Variants in IL31RA observed in about 807,000 individuals in gnomAD.
IL31RA encodes interleukin 31 receptor A, also known as interleukin-31 receptor subunit alpha.
In IL31RA, 66 loss-of-function variants were observed where a neutral mutation model predicts 83.7. The ratio of observed to expected loss-of-function variants is 0.79; its 90% confidence interval spans 0.65 to 0.97. The LOEUF is 0.97. IL31RA is among the 50% of genes least tolerant of loss of function. The pLI is 0.00. For synonymous variants in IL31RA, 325 were observed against 329.0 expected (o/e 0.99, Z 0.13); for missense variants, 798 against 919.4 (o/e 0.87, Z 1.71).
rs772231065 is a variant in IL31RA at position 55,906,261 on chromosome 5, C to A, written c.1225C>A (p.Gln409Lys). ...CACCCTTTCCTGGGAATCTGTGTCT[C>A]AGGCCACGAACTGGACGATCCAGCA... The part of the protein sequence containing the change: ...PTTLSWESVS[Q>K]ATNWTIQQDK... The change falls in exon 9 of 15, where the codon CAG (glutamine) becomes AAG (lysine). Residue 409 changes from glutamine (Q) to lysine (K), a missense_variant. Physicochemically the swap from Gln to Lys is moderately conservative, Grantham distance 53. Coordinates refer to ENST00000652347, the MANE Select transcript of IL31RA (RefSeq NM_139017.7). 9 of 1,614,146 alleles carry A rather than the reference C, an allele frequency of 5.6e-6. No individual in the cohort carries two copies. In the Admixed American group the frequency reaches 1.5e-4, roughly 27 times the overall value.
chr5:55,913,026 G>C (rs1261641837), intron 12 of IL31RA, among the ~76,000 whole-genome samples: 2 of 152,172 alleles, frequency 1.3e-5, no homozygotes, highest in Non-Finnish European at 2.9e-5. Flanking sequence ...AATGAATGCT[G>C]TTGGAATGAA....
At chr5:55,863,540 C>T (rs981091929) in intron 2 of IL31RA, among the ~76,000 whole-genome samples, 3 of 152,240 alleles carry the variant, frequency 2.0e-5, no homozygotes, top group Admixed American at 6.5e-5. Context: ...CTTCCTCTCA[C>T]ATGGCAAAGG....
rs973107901 is a variant in IL31RA, at chr5:55,901,400, G to A, written c.1069+1268G>A. Among the ~76,000 whole-genome samples, 43 of 151,958 alleles carry A rather than the reference G, an allele frequency of 2.8e-4. 1 individual carries two copies. The highest frequency in any genetic ancestry group is 8.3e-4 in the South Asian group (4 of 4,814). On this transcript the variant is annotated intron_variant, in intron 8 of 14. Transcript: ENST00000652347. ...ATGGGCTTTGGAGTCCAGCAGCCCC[G>A]GGTTCAAATCTTTGCTCTTCCACAA...
Position 55,908,260 on chromosome 5 carries a change from T to A in IL31RA, c.1355-5T>A. ...GATTATCATTTATCCCTCTGTCCTTTCCAGTTCCATCAGAAGGTCCTGAGA... is the reference window on the plus strand; with the variant it reads ...GATTATCATTTATCCCTCTGTCCTTACCAGTTCCATCAGAAGGTCCTGAGA... On this transcript the variant is annotated splice_polypyrimidine_tract_variant and splice_region_variant and intron_variant, in intron 10 of 14. Coordinates refer to ENST00000652347, the MANE Select transcript of IL31RA (RefSeq NM_139017.7). The A allele has an allele frequency of 6.2e-7, 1 of 1,614,052 alleles. No individual in the cohort carries two copies. Among genetic ancestry groups the A allele is most frequent in the South Asian group, 1.1e-5 (1 of 91,080 alleles).
At chr5:55,910,006 C>A (rs555104947) in intron 11 of IL31RA, among the ~76,000 whole-genome samples, 1 of 152,206 alleles carries the variant, frequency 6.6e-6, no homozygotes, top group South Asian at 2.1e-4. Flanking sequence ...GCCCGGCCAG[C>A]CCGTTTGTAT....
At chr5:55,868,641 T>C in intron 2 of IL31RA, 150 bp from the exon 3 acceptor site, 1 of 724,688 alleles carries the variant, frequency 1.4e-6, no homozygotes, top group Non-Finnish European at 2.5e-6. Flanking sequence ...TTCTTTCCAT[T>C]GAACCTGATT....
chr5:55,906,379 G>A, intron 9 of IL31RA, 91 bp downstream of exon 9: 1 of 1,165,440 alleles, frequency 8.6e-7, no homozygotes, highest in Non-Finnish European at 1.3e-6. Context: ...CTTCAAAGCT[G>A]TTAGTGTGGT....
chr5:55,875,135 G>A (rs867432235), intron 4 of IL31RA, among the ~76,000 whole-genome samples: 1 of 151,998 alleles, frequency 6.6e-6, no homozygotes, highest in Non-Finnish European at 1.5e-5. Flanking sequence ...ATGATCATAT[G>A]GTTTTGTCTT....
chr5:55,855,958 A>G (rs1470166153), intron 1 of IL31RA, among the ~76,000 whole-genome samples: 1 of 152,208 alleles, frequency 6.6e-6, no homozygotes, highest in Non-Finnish European at 1.5e-5. Context: ...GTGCAGTGGC[A>G]CAACCTCTGC....
intron 2 of IL31RA, among the ~76,000 whole-genome samples, chr5:55,867,289 G>T (rs1215892492): frequency 9.4e-6 from 1 of 105,858 alleles, no homozygotes; most frequent in Non-Finnish European, 2.1e-5. Flanking sequence ...ATGTGTGTGT[G>T]CATGTGTGTG....
rs1363964631 is a variant in IL31RA at position 55,913,496 on chromosome 5, C to T, written c.1662C>T (p.Leu554=). ...TLSFSVFEII[L]ITSLIGGGLL... ...TCAAAGGTGTCTTTGAGATTATCCT[C>T]ATAACTTCTCTGATTGGTGGAGGCC... The change falls in exon 13 of 15, where the codon CTC becomes CTT. Residue 554 remains leucine (L), a synonymous_variant. Transcript: ENST00000652347. 3 of 1,612,576 alleles carry T rather than the reference C, an allele frequency of 1.9e-6. No individual in the cohort carries two copies. Among genetic ancestry groups the T allele is most frequent in the Admixed American group, 3.3e-5 (2 of 60,006 alleles).
chr5:55,904,839 T>TG (rs1469506719), intron 8 of IL31RA, among the ~76,000 whole-genome samples: 1 of 150,644 alleles, frequency 6.6e-6, no homozygotes, highest in Non-Finnish European at 1.5e-5. Context: ...GGGTTTCTTT[T>TG]TTTTTTTTTT....
At chr5:55,872,752 T>C (rs897818392) in intron 4 of IL31RA, among the ~76,000 whole-genome samples, 3 of 151,824 alleles carry the variant, frequency 2.0e-5, no homozygotes, top group Non-Finnish European at 4.4e-5. Context: ...AACAAAAAGG[T>C]CTCTCCCCAC....
rs181203794 is a variant in IL31RA at position 55,893,794 on chromosome 5, G to A, written c.773-2556G>A. On this transcript the variant is annotated intron_variant, in intron 6 of 14. Transcript: ENST00000652347. ...TATTACCATCTACAAAAACAAAATGGCTGCCTATGAGATAATTTTTTTTTT... is the reference window on the plus strand; with the variant it reads ...TATTACCATCTACAAAAACAAAATGACTGCCTATGAGATAATTTTTTTTTT... 5.6e-3 allele frequency among the ~76,000 whole-genome samples: 850 copies of A among 150,858 alleles called. 5 individuals are homozygous for A. The highest frequency in any genetic ancestry group is 9.0e-3 in the Non-Finnish European group (610 of 67,900).
intron 14 of IL31RA, 149 bp downstream of exon 14, chr5:55,915,077 G>A (rs1322926641): frequency 2.8e-6 from 2 of 708,268 alleles, no homozygotes; most frequent in Non-Finnish European, 5.1e-6. Flanking sequence ...GGCAGGCAGG[G>A]CAGATGGACT....
At chr5:55,897,354 G>A (rs1580719785) in intron 7 of IL31RA, among the ~76,000 whole-genome samples, 1 of 151,702 alleles carries the variant, frequency 6.6e-6, no homozygotes, top group East Asian at 2.0e-4. Context: ...CCTCCTCTTT[G>A]GTCTGAAACA....
intron 1 of IL31RA, chr5:55,852,207 G>C (rs1745107061): frequency 6.6e-6 from 1 of 152,500 alleles, no homozygotes; most frequent in Non-Finnish European, 1.5e-5. Flanking sequence ...TTTCACTCTT[G>C]TCGCCAGGTT....
At chr5:55,851,175 T>G (rs1269262045), upstream of IL31RA, among the ~76,000 whole-genome samples, 3 of 152,146 alleles carry the variant, frequency 2.0e-5, no homozygotes, top group African/African-American at 7.2e-5. Context: ...CCTGTGAGCC[T>G]CTGGTCACAA....
upstream of IL31RA, among the ~76,000 whole-genome samples, chr5:55,847,244 A>AATAAAT (rs1554083150): frequency 4.9e-5 from 3 of 61,156 alleles, no homozygotes; most frequent in Non-Finnish European, 1.0e-4. Flanking sequence ...AAAAAAAATA[A>AATAAAT]AAATAAATAA....
Sources: gnomAD v4.1 joint callset for allele counts (sites outside exome capture counted in the v4.1 genomes callset) on GRCh38, gnomAD v4.1.1 for gene constraint, MANE v1.5 for transcripts, NCBI Gene and HGNC (gene_info 2026-07-23, HGNC 2026-07-21) for gene names.